Variants in GTF2IRD1 observed in about 807,000 individuals in gnomAD.
GTF2IRD1 encodes GTF2I repeat domain containing 1, also known as general transcription factor II-I repeat domain-containing protein 1.
In GTF2IRD1, 26 loss-of-function variants were observed where a neutral mutation model predicts 113.2. The observed-to-expected ratio is 0.23, with a 90% CI of 0.17 to 0.32. The LOEUF (loss-of-function observed/expected upper bound fraction) is 0.32. Ranked by LOEUF, GTF2IRD1 falls within the 10% of genes least tolerant of loss-of-function variation. The pLI is 1.00. For synonymous variants in GTF2IRD1, 484 were observed against 529.1 expected, an observed-to-expected ratio of 0.91 and a Z score of 1.17; for missense variants, 864 against 1,280.8, an observed-to-expected ratio of 0.67 and a Z score of 4.97.
chr7:74,591,013 C>T lies in GTF2IRD1; in HGVS notation c.2587C>T (p.Leu863Phe), dbSNP rs782699522. ...EHVRMVIINQ[L>F]QPFAEICNDA... ...TGTCCGCATGGTCATCATTAACCAG[C>T]TCCAGTGAGTGCCCGGCCTCTGGAA... The change falls in exon 24 of 27, where the codon CTC becomes TTC. Residue 863 changes from leucine (L) to phenylalanine (F), a missense_variant. Physicochemically the swap from Leu to Phe is conservative, Grantham distance 22. Transcript: ENST00000424337. The T allele has an allele frequency of 6.8e-6, 11 of 1,607,144 alleles. 1 individual carries two copies. Among genetic ancestry groups the T allele is most frequent in the Admixed American group, 1.7e-5 (1 of 59,838 alleles).
intron 1 of GTF2IRD1, among the ~76,000 whole-genome samples, chr7:74,463,647 C>G (rs781870347): frequency 6.6e-6 from 1 of 152,072 alleles, no homozygotes; most frequent in African/African-American, 2.4e-5. Flanking sequence ...CCAGGGGCCA[C>G]CAAGGAGCGG....
In GTF2IRD1 at chr7:74,539,923, C is replaced by T. The variant is rs1554351282; in HGVS notation, c.1573C>T (p.His525Tyr). ...GGAAATGACAGACTCGATGCCTGGG[C>T]ACCTGCCATCGGAGGATTCTGGTTA... ...SEEMTDSMPG[H>Y]LPSEDSGYGM... Residue 525 changes from histidine (H) to tyrosine (Y), a missense_variant, in exon 14 of 27, where the codon CAC (histidine) becomes TAC (tyrosine). By Grantham distance (83) the His-to-Tyr change is moderately conservative (BLOSUM62 2). Around this residue, in one of 7 missense-constraint regions of GTF2IRD1, gnomAD observed 218 missense variants for 352.6 expected, o/e 0.62. Transcript: ENST00000424337. 8 of 1,613,210 alleles carry T rather than the reference C, an allele frequency of 5.0e-6. No individual in the cohort carries two copies. Among genetic ancestry groups the T allele is most frequent in the Non-Finnish European group, 6.8e-6 (8 of 1,179,794 alleles).
At chr7:74,528,364 G>A (rs1341255205) in intron 8 of GTF2IRD1, among the ~76,000 whole-genome samples, 5 of 151,982 alleles carry the variant, frequency 3.3e-5, no homozygotes, top group African/African-American at 7.2e-5. Flanking sequence ...GCCCAAGCCC[G>A]GCTAATTTTT....
intron 23 of GTF2IRD1, among the ~76,000 whole-genome samples, chr7:74,590,323 C>T (rs1433192212): frequency 6.6e-6 from 1 of 151,956 alleles, no homozygotes; most frequent in Non-Finnish European, 1.5e-5. Flanking sequence ...TCAAGCGATC[C>T]TCCTGCCTTG....
At position 74,590,850 on chromosome 7, in the gene GTF2IRD1, G is replaced by T; in HGVS notation, c.2424G>T (p.Pro808=). Residue 808 remains proline (P), a synonymous_variant, in exon 24 of 27, where the codon CCG becomes CCT. Transcript: ENST00000424337. Reference sequence around the variant, plus strand: ...GTGAGGCCCTGGGCCTGAACCGGCCGGTGCTGGTCCCTTATAAACTAATCC... The same window carrying T: ...GTGAGGCCCTGGGCCTGAACCGGCCTGTGCTGGTCCCTTATAAACTAATCC... ...KYGEALGLNR[P]VLVPYKLIRD... 2.5e-6 allele frequency: 4 copies of T among 1,609,464 alleles called. No individual in the cohort carries two copies. Among genetic ancestry groups the T allele is most frequent in the South Asian group, 1.1e-5 (1 of 90,814 alleles).
intron 15 of GTF2IRD1, 110 bp downstream of exon 15, chr7:74,544,912 C>A: frequency 1.3e-6 from 1 of 785,784 alleles, no homozygotes; most frequent in Non-Finnish European, 2.2e-6. Flanking sequence ...TCCACCTCAT[C>A]TCTCTCCAGC....
At chr7:74,534,692 G>A (rs913014389) in intron 9 of GTF2IRD1, among the ~76,000 whole-genome samples, 3 of 151,754 alleles carry the variant, frequency 2.0e-5, no homozygotes, top group Non-Finnish European at 2.9e-5. Context: ...CAGCCTGGGC[G>A]ACAGAGCAAG....
At chr7:74,493,135 G>A (rs1257986082) in intron 1 of GTF2IRD1, among the ~76,000 whole-genome samples, 8 of 148,502 alleles carry the variant, frequency 5.4e-5, no homozygotes, top group Non-Finnish European at 1.2e-4. Context: ...TTGAGATAGG[G>A]GTCTCACTGT....
intron 6 of GTF2IRD1, 146 bp from the exon 7 acceptor site, chr7:74,521,062 T>G: frequency 3.4e-6 from 2 of 581,364 alleles, no homozygotes; most frequent in East Asian, 2.9e-5. Flanking sequence ...GGCCTTGCCT[T>G]GAGTTTGTGA....
chr7:74,503,559 GC>G, intron 1 of GTF2IRD1, among the ~76,000 whole-genome samples: 1 of 152,194 alleles, frequency 6.6e-6, no homozygotes, highest in Non-Finnish European at 1.5e-5. Context: ...GACCAGTCTG[GC>G]CAACATGGGG....
chr7:74,540,075 T>G (rs781998443), intron 14 of GTF2IRD1, 107 bp downstream of exon 14: 19 of 769,470 alleles, frequency 2.5e-5, no homozygotes, highest in Non-Finnish European at 4.3e-5. Flanking sequence ...GTCAGCCGTC[T>G]GTAGTAGAGG....
intron 1 of GTF2IRD1, among the ~76,000 whole-genome samples, chr7:74,484,841 C>T (rs372502459): frequency 2.0e-5 from 3 of 152,128 alleles, no homozygotes; most frequent in Non-Finnish European, 4.4e-5. Context: ...GACGCTGGGA[C>T]GGTTTCTGCC....
chr7:74,594,554 G>T (rs1240611452), intron 24 of GTF2IRD1, among the ~76,000 whole-genome samples: 1 of 152,158 alleles, frequency 6.6e-6, no homozygotes, highest in Non-Finnish European at 1.5e-5. Flanking sequence ...GGGATGCTCT[G>T]TTGGGACGTT....
chr7:74,555,737 C>T lies in GTF2IRD1; in HGVS notation c.2023+243C>T, dbSNP rs1265804113. On this transcript the variant is annotated intron_variant, in intron 19 of 26. Transcript: ENST00000424337. This position sits in a 1 kb window ranked among gnomAD's most constrained non-coding sequence, Gnocchi z 5.3. ...GGGGAGCCCAGGAGCCTGCCTGCCC[C>T]CTCCCTGCCCCACCCCCCAGAGGTA... Among the ~76,000 whole-genome samples, 1 of 152,152 alleles carries T rather than the reference C, an allele frequency of 6.6e-6. No homozygotes were observed. The highest frequency in any genetic ancestry group is 1.5e-5 in the Non-Finnish European group (1 of 68,018).
At chr7:74,530,225 G>A (rs587619113) in intron 9 of GTF2IRD1, among the ~76,000 whole-genome samples, 1 of 152,170 alleles carries the variant, frequency 6.6e-6, no homozygotes, top group South Asian at 2.1e-4. Flanking sequence ...AGAGAGGTGC[G>A]GGTGGGCGTA....
In GTF2IRD1 at chr7:74,519,486, G is replaced by A. The variant is rs200483189; in HGVS notation, c.683G>A (p.Arg228Gln). ...NGVSLIPKGS[R>Q]DCGLHGQAPK... ...GTCTCCCTGATTCCCAAGGGGTCAC[G>A]GGACTGTGGCCTGCATGGCCAGGCC... The change falls in exon 6 of 27, where the codon CGG becomes CAG. Residue 228 changes from arginine to glutamine, a missense_variant. By Grantham distance (43) the Arg-to-Gln change is conservative (BLOSUM62 1). Around this residue, in one of 7 missense-constraint regions of GTF2IRD1, gnomAD observed 195 missense variants for 196.6 expected, o/e 0.99. Coordinates refer to ENST00000424337, the MANE Select transcript of GTF2IRD1 (RefSeq NM_005685.4). 258 of 1,606,356 alleles carry A rather than the reference G, an allele frequency of 1.6e-4. No individual in the cohort carries two copies. The highest frequency in any genetic ancestry group is 2.0e-4 in the Non-Finnish European group (232 of 1,176,432).
chr7:74,485,179 T>C (rs563675971), intron 1 of GTF2IRD1, among the ~76,000 whole-genome samples: 1 of 152,294 alleles, frequency 6.6e-6, no homozygotes, highest in Non-Finnish European at 1.5e-5. Flanking sequence ...AGGCATCCTC[T>C]AGCTACAGAT....
In GTF2IRD1 at chr7:74,594,808, C is replaced by T. The variant is rs587594187; in HGVS notation, c.2592-206C>T. 6.6e-5 allele frequency among the ~76,000 whole-genome samples: 10 copies of T among 150,994 alleles called. No individual in the cohort carries two copies. In the East Asian group the frequency reaches 1.8e-3, roughly 27 times the overall value. On this transcript the variant is annotated intron_variant, in intron 24 of 26. Transcript: ENST00000424337. ...CTCTACTAAAAATATAAAACTTAGC[C>T]GGGCATGGTGGCGGGCGCCTGTAGT...
rs782743930 is a variant in GTF2IRD1, at chr7:74,568,337, TAAAAA to T, written c.2320+8696_2320+8700del. On this transcript the variant is annotated intron_variant, in intron 22 of 26. Coordinates refer to ENST00000424337, the MANE Select transcript of GTF2IRD1 (RefSeq NM_005685.4). ...CACATAACAAGACTGCATCTCTATT[TAAAAA>T]AAAAAAAAAAAAAGAAGGAGAAAGG... Among the ~76,000 whole-genome samples, 238 of 91,980 alleles carry T rather than the reference TAAAAA, an allele frequency of 2.6e-3. 1 individual carries two copies. Among genetic ancestry groups the T allele is most frequent in the African/African-American group, 0.01 (220 of 21,572 alleles). 60.3% of individuals were successfully genotyped at this position (91,980 alleles called of 152,430 possible). A position where few individuals can be genotyped will look rare whatever the true frequency, so the allele number is the denominator to read the frequency against.
Sources: gnomAD v4.1 joint callset for allele counts (sites outside exome capture counted in the v4.1 genomes callset) on GRCh38, gnomAD v4.1.1 for gene constraint, gnomAD v4.1.1 regional missense constraint, Gnocchi (gnomAD v3.1) non-coding constraint, MANE v1.5 for transcripts, NCBI Gene and HGNC (gene_info 2026-07-23, HGNC 2026-07-21) for gene names.